Variants in EARS2 observed in about 807,000 individuals in gnomAD.
The protein encoded by EARS2 is glutamyl-tRNA synthetase 2, mitochondrial.
In EARS2, 50 loss-of-function variants were observed where a neutral mutation model predicts 54.1. The observed-to-expected ratio is 0.92, with a 90% confidence interval of 0.74 to 1.17. The LOEUF is 1.17. Ranked by LOEUF, EARS2 falls within the 50% of genes most tolerant of loss-of-function variation. The pLI is 0.00. For synonymous variants in EARS2, 298 were observed against 281.0 expected, an observed-to-expected ratio of 1.06 and a Z score of -0.61; for missense variants, 673 against 675.0, an observed-to-expected ratio of 1.00 and a Z score of 0.03.
intron 2 of EARS2, among the ~76,000 whole-genome samples, chr16:23,547,849 C>T (rs1368663464): frequency 6.6e-6 from 1 of 151,664 alleles, no homozygotes; most frequent in Admixed American, 6.6e-5. Context: ...GTAATCCCAG[C>T]ACTTTGGGAG....
chr16:23,553,890 C>A (rs1965735030), intron 1 of EARS2, among the ~76,000 whole-genome samples: 1 of 145,780 alleles, frequency 6.9e-6, no homozygotes, highest in African/African-American at 2.6e-5. Flanking sequence ...GGCGAGACTC[C>A]ATCTCCAAAA....
intron 7 of EARS2, among the ~76,000 whole-genome samples, chr16:23,527,793 T>C (rs940949470): frequency 1.3e-5 from 2 of 152,154 alleles, no homozygotes; most frequent in Non-Finnish European, 2.9e-5. Flanking sequence ...GACCTCGTGA[T>C]CGGCCCGCCT....
At chr16:23,526,809 A>C (rs909238812) in intron 7 of EARS2, among the ~76,000 whole-genome samples, 6 of 152,078 alleles carry the variant, frequency 3.9e-5, no homozygotes, top group Non-Finnish European at 8.8e-5. Context: ...CTCTGCCCAA[A>C]AGCTTTTGTT....
chr16:23,530,440 A>G (rs1396147886), intron 5 of EARS2, among the ~76,000 whole-genome samples: 10 of 152,192 alleles, frequency 6.6e-5, no homozygotes, highest in Non-Finnish European at 1.3e-4. Flanking sequence ...TCAAAATAGT[A>G]GCTGACCTTT....
chr16:23,528,296 A>T (rs886742027), intron 7 of EARS2, among the ~76,000 whole-genome samples: 3 of 152,332 alleles, frequency 2.0e-5, no homozygotes, highest in African/African-American at 4.8e-5. Flanking sequence ...TGAAATACTG[A>T]AGACAAAAAA....
At position 23,522,391 on chromosome 16, in the gene EARS2, T is replaced by C. The variant is rs1965153392; in HGVS notation, c.*1980A>G. 1 of 152,902 alleles carries C rather than the reference T, an allele frequency of 6.5e-6. No individual in the cohort carries two copies. The highest frequency in any genetic ancestry group is 2.4e-5 in the African/African-American group (1 of 41,446). The allele number at this position is 152,902 out of a possible 1,614,324, so 9.5% of individuals were successfully genotyped here. A position where few individuals can be genotyped will look rare whatever the true frequency, so the allele number is the denominator to read the frequency against. ...TTAACAACAACAAAACGGCTGTAGTTCATGTGTCGCCATCAAAGAACTCAG... is the reference window on the plus strand; with the variant it reads ...TTAACAACAACAAAACGGCTGTAGTCCATGTGTCGCCATCAAAGAACTCAG... On this transcript the variant is annotated 3_prime_UTR_variant, in exon 9 of 9. Coordinates refer to ENST00000449606, the MANE Select transcript of EARS2 (RefSeq NM_001083614.2).
intron 2 of EARS2, chr16:23,545,383 G>GA (rs1965587142): frequency 6.6e-6 from 1 of 152,056 alleles, no homozygotes; most frequent in Non-Finnish European, 1.5e-5. Context: ...GCCCTGGTGG[G>GA]ACTCATGGCT....
chr16:23,554,184 T>G (rs1831170838), intron 1 of EARS2, among the ~76,000 whole-genome samples: 1 of 151,696 alleles, frequency 6.6e-6, no homozygotes, highest in Admixed American at 6.6e-5. Flanking sequence ...TAATATTTGT[T>G]TTTTGGTTTT....
chr16:23,553,865 C>T (rs1025487511), intron 1 of EARS2, among the ~76,000 whole-genome samples: 41 of 150,310 alleles, frequency 2.7e-4, no homozygotes, highest in African/African-American at 9.6e-4. Flanking sequence ...CATTGCACTC[C>T]AGCCTGGGCG....
chr16:23,550,630 G>A (rs750562258), intron 2 of EARS2, among the ~76,000 whole-genome samples: 1 of 151,898 alleles, frequency 6.6e-6, no homozygotes, highest in Non-Finnish European at 1.5e-5. Flanking sequence ...GTAGAGATGG[G>A]GTTTCACTAT....
chr16:23,528,488 A>C (rs753262224), intron 7 of EARS2, among the ~76,000 whole-genome samples: 3 of 152,236 alleles, frequency 2.0e-5, no homozygotes, highest in Non-Finnish European at 2.9e-5. Flanking sequence ...GTGATCTGGC[A>C]GCTCCTGAAC....
At chr16:23,550,415 C>T (rs1315251919) in intron 2 of EARS2, among the ~76,000 whole-genome samples, 4 of 146,998 alleles carry the variant, frequency 2.7e-5, no homozygotes, top group Admixed American at 1.4e-4. Flanking sequence ...TGTCTTTTCC[C>T]TTGGCACTAA....
rs764361634 is a variant in EARS2, at chr16:23,535,016, A to C, written c.830T>G (p.Leu277Arg). 2.5e-6 allele frequency: 4 copies of C among 1,612,512 alleles called. No homozygotes were observed. Among genetic ancestry groups the C allele is most frequent in the Non-Finnish European group, 2.5e-6 (3 of 1,179,464 alleles). ...QPPHFAHLPLLLNRDGSKLSK... is the reference protein window; with the variant it reads ...QPPHFAHLPLRLNRDGSKLSK... ...GAGCTTGCTGCCATCCCTGTTGAGG[A>C]GCAGGGGCAGGTGGGCGAAGTGGGG... The change falls in exon 4 of 9, where the codon CTC becomes CGC. Residue 277 changes from leucine (L) to arginine (R), a missense_variant. This residue lies in a region of EARS2 where 338 missense variants were observed against 361.2 expected (regional missense o/e 0.94). Coordinates refer to ENST00000449606, the MANE Select transcript of EARS2 (RefSeq NM_001083614.2).
rs1236031401 is a variant in EARS2, at chr16:23,557,324, C to A, written c.20G>T (p.Arg7Ile). Reference sequence around the variant, plus strand: ...CGAAGGCCTCTCGCGCTGCAGCAGTCTCCTCAGGAGCGCCGCCATGTGGGA... The same window carrying A: ...CGAAGGCCTCTCGCGCTGCAGCAGTATCCTCAGGAGCGCCGCCATGTGGGA... MAALLR[R>I]LLQRERPSAA... Residue 7 changes from arginine (R) to isoleucine (I), a missense_variant, in exon 1 of 9, where the codon AGA (arginine) becomes ATA (isoleucine). Transcript: ENST00000449606. 2 of 1,542,134 alleles carry A rather than the reference C, an allele frequency of 1.3e-6. No individual in the cohort carries two copies. The highest frequency in any genetic ancestry group is 1.4e-5 in the African/African-American group (1 of 73,550).
intron 1 of EARS2, among the ~76,000 whole-genome samples, chr16:23,553,351 CAG>C (rs985390385): frequency 3.3e-5 from 5 of 152,078 alleles, no homozygotes; most frequent in African/African-American, 9.7e-5. Context: ...GAAAGAGAAG[CAG>C]AGAGTTATTC....
chr16:23,527,842 C>T (rs1965256840), intron 7 of EARS2, among the ~76,000 whole-genome samples: 1 of 152,116 alleles, frequency 6.6e-6, no homozygotes, highest in Admixed American at 6.6e-5. Flanking sequence ...CGTGAGTCAC[C>T]GCGCCCAGCA....
chr16:23,533,422 A>G (rs1411324929), intron 4 of EARS2, among the ~76,000 whole-genome samples: 1 of 152,150 alleles, frequency 6.6e-6, no homozygotes, highest in Non-Finnish European at 1.5e-5. Flanking sequence ...GATTACAGAC[A>G]TGAGCCACTG....
chr16:23,552,396 A>C (rs759958413), intron 1 of EARS2, 92 bp from the exon 2 acceptor site: 206 of 1,404,960 alleles, frequency 1.5e-4, no homozygotes, highest in Non-Finnish European at 2.0e-4. Context: ...AGAATGTTGC[A>C]ATAAATTTAA....
chr16:23,543,284 G>A (rs1965546069), intron 3 of EARS2, among the ~76,000 whole-genome samples: 1 of 151,576 alleles, frequency 6.6e-6, no homozygotes, highest in Non-Finnish European at 1.5e-5. Flanking sequence ...AAATTAGCCA[G>A]GAGTACAGTC....
Sources: allele counts gnomAD v4.1 joint callset (sites outside exome capture counted in the v4.1 genomes callset), GRCh38; gene constraint gnomAD v4.1.1; regional missense constraint gnomAD v4.1.1; transcripts MANE v1.5; gene names NCBI Gene and HGNC (gene_info 2026-07-23, HGNC 2026-07-21).